Variants in MYH3 observed in about 807,000 individuals in gnomAD.
MYH3 encodes myosin heavy chain 3.
MYH3 carries 130 observed loss-of-function variants against 238.0 expected under a neutral mutation model. That is an observed-to-expected ratio of 0.55 (90% CI 0.47 to 0.63). MYH3 has a LOEUF of 0.63. MYH3 is among the 30% of genes least tolerant of loss of function. The probability of loss-of-function intolerance (pLI) is 0.00; values close to 1 mark genes in which losing one functional copy is unlikely to be tolerated. For synonymous variants in MYH3, 880 were observed against 924.1 expected, an observed-to-expected ratio of 0.95 and a Z score of 0.86; for missense variants, 1,853 against 2,374.9, an observed-to-expected ratio of 0.78 and a Z score of 4.57.
intron 28 of MYH3, among the ~76,000 whole-genome samples, chr17:10,637,437 C>T (rs929128364): frequency 6.6e-6 from 1 of 152,184 alleles, no homozygotes; most frequent in African/African-American, 2.4e-5. Flanking sequence ...AACTTGGACG[C>T]AGACAATGAA....
Position 10,634,128 on chromosome 17 carries a change from A to G in MYH3, c.4411T>C (p.Ser1471Pro), listed in dbSNP as rs1316929314. 2.5e-6 allele frequency: 4 copies of G among 1,614,094 alleles called. No homozygotes were observed. Among genetic ancestry groups the G allele is most frequent in the Non-Finnish European group, 2.5e-6 (3 of 1,180,052 alleles). Reference sequence around the variant, plus strand: ...CTCAAGGAGCGGGACTCCTTCAGGGATGCCTCCAGCTCTGCTTGGCTCTCC... The same window carrying G: ...CTCAAGGAGCGGGACTCCTTCAGGGGTGCCTCCAGCTCTGCTTGGCTCTCC... ...CEESQAELEA[S>P]LKESRSLSTE... The change falls in exon 32 of 41, where the codon TCC (serine) becomes CCC (proline). Residue 1471 changes from serine to proline, a missense_variant. Physicochemically the swap from Ser to Pro is moderately conservative, Grantham distance 74 (BLOSUM62 -1). Transcript: ENST00000583535.
rs1348576438 is a variant in MYH3, at chr17:10,652,509, T to G, written c.259A>C (p.Arg87=). The change falls in exon 4 of 41, where the codon AGG becomes CGG. Residue 87 remains arginine, a synonymous_variant. Coordinates refer to ENST00000583535, the MANE Select transcript of MYH3 (RefSeq NM_002470.4). ...VYAMNPPKFD[R]IEDMAMLTHL... ...GTCAGCATGGCCATGTCTTCGATCC[T>G]GTCGAACTTGGGGGGGTTCATGGCG... The G allele has an allele frequency of 6.2e-7, 1 of 1,613,538 alleles. No homozygotes were observed. Among genetic ancestry groups the G allele is most frequent in the Non-Finnish European group, 8.5e-7 (1 of 1,179,840 alleles).
Position 10,642,712 on chromosome 17 carries a change from G to A in MYH3, c.1593C>T (p.Ile531=). ...TGCACTCCTCTTCCAGGATGGAGAA[G>A]ATGCCCATAGGCTGGATTGAAGGCA... ...CIELIEKPMG[I]FSILEEECMF... is the part of the protein sequence containing the mutation. Residue 531 remains isoleucine (I), a synonymous_variant, in exon 16 of 41, where the codon ATC becomes ATT. Coordinates refer to ENST00000583535, the MANE Select transcript of MYH3 (RefSeq NM_002470.4). This position sits in a 1 kb window ranked among gnomAD's most constrained non-coding sequence, Gnocchi z 5.4. The A allele has an allele frequency of 6.2e-7, 1 of 1,614,254 alleles. No individual in the cohort carries two copies. Among genetic ancestry groups the A allele is most frequent in the Non-Finnish European group, 8.5e-7 (1 of 1,180,054 alleles).
chr17:10,642,214 A>T lies in MYH3; in HGVS notation c.1959+26T>A. ...TTAGATGTCACTTAAATCAATTATAAGCAAATAAACTTGTATTTTTCTTAC... is the reference window on the plus strand; with the variant it reads ...TTAGATGTCACTTAAATCAATTATATGCAAATAAACTTGTATTTTTCTTAC... On this transcript the variant is annotated intron_variant, in intron 17 of 40. Coordinates refer to ENST00000583535, the MANE Select transcript of MYH3 (RefSeq NM_002470.4). This position sits in a 1 kb window ranked among gnomAD's most constrained non-coding sequence, Gnocchi z 5.4. 1 of 1,599,114 alleles carries T rather than the reference A, an allele frequency of 6.3e-7. No individual in the cohort carries two copies. Among genetic ancestry groups the T allele is most frequent in the East Asian group, 2.2e-5 (1 of 44,814 alleles).
In MYH3 at chr17:10,635,423, C is replaced by T; in HGVS notation, c.4116G>A (p.Trp1372Ter). The change falls in exon 30 of 41, where the codon TGG becomes TGA. Residue 1372 changes from tryptophan (W) to a stop codon, truncating the protein, a stop_gained. Transcript: ENST00000583535. LOFTEE classifies it high-confidence loss of function. Reference sequence around the variant, plus strand: ...TGGCGTCCGTCTCGTATTTGGTTCTCCACTGGGCAACCTCACTATTGGCCT... The same window carrying T: ...TGGCGTCCGTCTCGTATTTGGTTCTTCACTGGGCAACCTCACTATTGGCCT... ...LSKANSEVAQ[W>*]RTKYETDAIQ... 3.1e-6 allele frequency: 5 copies of T among 1,614,064 alleles called. No homozygotes were observed. Among genetic ancestry groups the T allele is most frequent in the Non-Finnish European group, 4.2e-6 (5 of 1,179,900 alleles).
chr17:10,669,844 G>A, the MYH3 span, among the ~76,000 whole-genome samples: 1 of 152,162 alleles, frequency 6.6e-6, no homozygotes, highest in Admixed American at 6.5e-5. Flanking sequence ...CTGGGAATTT[G>A]AGGCTGCAGT....
At chr17:10,665,047 T>A in the MYH3 span, among the ~76,000 whole-genome samples, 5 of 152,220 alleles carry the variant, frequency 3.3e-5, no homozygotes, top group Non-Finnish European at 7.3e-5. Context: ...AACGGCATCA[T>A]GATAATAGAA....
chr17:10,644,808 C>T, intron 12 of MYH3, 106 bp from the exon 13 acceptor site: 1 of 876,372 alleles, frequency 1.1e-6, no homozygotes, highest in Non-Finnish European at 1.9e-6. Flanking sequence ...ATTGTGCATT[C>T]CCTGTGGCTA....
intron 28 of MYH3, among the ~76,000 whole-genome samples, chr17:10,637,441 C>T (rs1423296641): frequency 6.6e-6 from 1 of 152,172 alleles, no homozygotes; most frequent in Non-Finnish European, 1.5e-5. Flanking sequence ...TGGACGCAGA[C>T]AATGAATATC....
chr17:10,653,295 C>T (rs907396920), intron 3 of MYH3, among the ~76,000 whole-genome samples: 18 of 152,052 alleles, frequency 1.2e-4, no homozygotes, highest in African/African-American at 4.1e-4. Flanking sequence ...GCATATGTCC[C>T]CTGCAGTCGT....
chr17:10,668,557 G>A, the MYH3 span, among the ~76,000 whole-genome samples: 1 of 152,182 alleles, frequency 6.6e-6, no homozygotes. Flanking sequence ...ACAATCTGAT[G>A]AGACATTTGG....
intron 6 of MYH3, among the ~76,000 whole-genome samples, chr17:10,650,148 A>AT (rs1247040310): frequency 6.6e-6 from 1 of 150,800 alleles, no homozygotes; most frequent in Non-Finnish European, 1.5e-5. Context: ...ATTTTTTTGT[A>AT]TTTTTTTTAG....
chr17:10,657,496 G>A (rs932048051), upstream of MYH3, among the ~76,000 whole-genome samples: 11 of 152,172 alleles, frequency 7.2e-5, no homozygotes, highest in Non-Finnish European at 1.6e-4. Flanking sequence ...ACCATTTTCC[G>A]ACCGCAGAAT....
intron 7 of MYH3, 103 bp from the exon 8 acceptor site, chr17:10,648,752 T>C (rs1243136059): frequency 4.1e-6 from 4 of 978,786 alleles, no homozygotes; most frequent in Non-Finnish European, 4.9e-6. Flanking sequence ...CTTGGCTTAC[T>C]GCAACCTCCA....
chr17:10,655,221 G>C (rs1290048237), intron 2 of MYH3, 149 bp from the exon 3 acceptor site: 5 of 703,202 alleles, frequency 7.1e-6, no homozygotes, highest in Admixed American at 2.1e-5. Flanking sequence ...CTCATGCCTT[G>C]AGAAGCTCCA....
chr17:10,658,228 C>T (rs758002740), upstream of MYH3, among the ~76,000 whole-genome samples: 3 of 152,172 alleles, frequency 2.0e-5, no homozygotes, highest in Non-Finnish European at 4.4e-5. Context: ...TAAAGTATGT[C>T]GGACGCTTTT....
intron 28 of MYH3, among the ~76,000 whole-genome samples, chr17:10,636,530 T>C (rs1567554326): frequency 6.6e-6 from 1 of 152,050 alleles, no homozygotes; most frequent in East Asian, 1.9e-4. Context: ...GGGAATAGGG[T>C]AAGTTCAAGT....
the MYH3 span, among the ~76,000 whole-genome samples, chr17:10,667,192 T>G: frequency 6.6e-6 from 1 of 152,220 alleles, no homozygotes; most frequent in Non-Finnish European, 1.5e-5. Flanking sequence ...GCAATTTCCC[T>G]TCCATTGGGA....
the MYH3 span, among the ~76,000 whole-genome samples, chr17:10,669,892 C>G: frequency 6.6e-6 from 1 of 152,172 alleles, no homozygotes; most frequent in Non-Finnish European, 1.5e-5. Context: ...GCCTGGGTGA[C>G]AGACTGAGAC....
Sources: allele counts gnomAD v4.1 joint callset (sites outside exome capture counted in the v4.1 genomes callset), GRCh38; gene constraint gnomAD v4.1.1; non-coding constraint Gnocchi (gnomAD v3.1); transcripts MANE v1.5; gene names NCBI Gene and HGNC (gene_info 2026-07-23, HGNC 2026-07-21).